The following PRDM10 variants were observed in gnomAD, a reference collection of about 807,000 sequenced individuals.
The protein encoded by PRDM10 is PR domain zinc finger protein 10.
Under a neutral mutation model 133.1 loss-of-function variants are expected in PRDM10, and 65 were observed. The observed-to-expected ratio is 0.49, with a 90% confidence interval of 0.40 to 0.60. PRDM10 has a LOEUF of 0.60. Ranked by LOEUF, PRDM10 falls within the 20% of genes least tolerant of loss-of-function variation. The pLI is 0.00. For missense variants in PRDM10, 1,137 were observed against 1,507.1 expected (o/e 0.75, Z 4.07); for synonymous variants, 582 against 580.4 (o/e 1.00, Z -0.04).
At chr11:129,970,930 A>T (rs942108737) in intron 1 of PRDM10, among the ~76,000 whole-genome samples, 5 of 152,112 alleles carry the variant, frequency 3.3e-5, no homozygotes, top group African/African-American at 1.2e-4. Flanking sequence ...TTCACTTGTC[A>T]CATCCTAAAG....
chr11:129,906,436 G>A (rs1266128973), intron 19 of PRDM10, among the ~76,000 whole-genome samples: 1 of 152,160 alleles, frequency 6.6e-6, no homozygotes. Context: ...CCTGCAATCG[G>A]CTGAAACACA....
At chr11:129,967,844 G>A (rs1200347303) in intron 1 of PRDM10, among the ~76,000 whole-genome samples, 5 of 152,116 alleles carry the variant, frequency 3.3e-5, no homozygotes, top group Admixed American at 3.3e-4. Flanking sequence ...GTATCCCAGT[G>A]TGCCAGCCTC....
At position 129,947,391 on chromosome 11, in the gene PRDM10, C is replaced by T; in HGVS notation, c.295-21G>A. 6.2e-7 allele frequency: 1 copy of T among 1,613,812 alleles called. No homozygotes were observed. ...GAGGCCTGGGCAAAAGTTGAAGGCA[C>T]AGAGTAAGCAGACATGGACACCTGC... On this transcript the variant is annotated intron_variant, in intron 4 of 20. Coordinates refer to ENST00000360871, the MANE Select transcript of PRDM10 (RefSeq NM_199437.2). This position sits in a 1 kb window ranked among gnomAD's most constrained non-coding sequence, Gnocchi z 4.6.
chr11:129,965,585 CT>C (rs1029957468), intron 1 of PRDM10, among the ~76,000 whole-genome samples: 53 of 152,258 alleles, frequency 3.5e-4, no homozygotes, highest in African/African-American at 9.1e-4. Context: ...CCTTTTCCCC[CT>C]GTCCCAAAAG....
Position 129,910,507 on chromosome 11 carries a change from C to A in PRDM10, c.3132G>T (p.Leu1044=). Residue 1044 remains leucine (L), a synonymous_variant, in exon 19 of 21, where the codon CTG becomes CTT. Transcript: ENST00000360871. Reference sequence around the variant, plus strand: ...CACGGAAGGAATTCCAAGCACTGGGCAGGTACGTGTGCTGCACAGAGGAAT... The same window carrying A: ...CACGGAAGGAATTCCAAGCACTGGGAAGGTACGTGTGCTGCACAGAGGAAT... ...QQNSSVQHTY[L]PSAWNSFRGY... 1.2e-6 allele frequency: 2 copies of A among 1,614,134 alleles called. No homozygotes were observed. The highest frequency in any genetic ancestry group is 1.7e-6 in the Non-Finnish European group (2 of 1,180,028).
intron 15 of PRDM10, 139 bp downstream of exon 15, chr11:129,916,988 C>T (rs1328293334): frequency 1.8e-6 from 1 of 556,092 alleles, no homozygotes; most frequent in African/African-American, 2.0e-5. Flanking sequence ...CCTTTCTTGT[C>T]TGAATGGAGA....
chr11:129,930,412 A>G (rs1205126854), intron 11 of PRDM10, among the ~76,000 whole-genome samples: 1 of 152,234 alleles, frequency 6.6e-6, no homozygotes, highest in Non-Finnish European at 1.5e-5. Flanking sequence ...CTGAACTGCA[A>G]GTCAGGAAAG....
At chr11:129,914,281 G>A (rs1403518757) in intron 17 of PRDM10, among the ~76,000 whole-genome samples, 1 of 152,230 alleles carries the variant, frequency 6.6e-6, no homozygotes, top group African/African-American at 2.4e-5. Context: ...GGGATTACAG[G>A]CATGAGCCAC....
At chr11:129,913,034 C>T (rs1176363376) in intron 17 of PRDM10, among the ~76,000 whole-genome samples, 4 of 146,374 alleles carry the variant, frequency 2.7e-5, no homozygotes, top group South Asian at 2.2e-4. Flanking sequence ...GACTCTAGCC[C>T]GGGCAACAGA....
rs144526807 is a variant in PRDM10 at position 129,994,857 on chromosome 11, G to A, written c.-119+7865C>T. The stretch of plus-strand genomic sequence containing the variant: ...TTTAGTAGAGACAGGGCTTCACCGC[G>A]TTAGCCAGGATTGTCTTGATCTCCT... On this transcript the variant is annotated intron_variant, in intron 1 of 20. Transcript: ENST00000360871. 5.1e-3 allele frequency among the ~76,000 whole-genome samples: 771 copies of A among 152,074 alleles called. 3 individuals are homozygous for A. The highest frequency in any genetic ancestry group is 8.0e-3 in the Non-Finnish European group (545 of 68,006).
At position 129,976,064 on chromosome 11, in the gene PRDM10, T is replaced by G. The variant is rs187821469; in HGVS notation, c.-118-14982A>C. ...GAAGCAGAGCAACTAGAGGGTGACATGGAAGGTCCTGTCCAGTTCACCAAT... is the reference window on the plus strand; with the variant it reads ...GAAGCAGAGCAACTAGAGGGTGACAGGGAAGGTCCTGTCCAGTTCACCAAT... On this transcript the variant is annotated intron_variant, in intron 1 of 20. Coordinates refer to ENST00000360871, the MANE Select transcript of PRDM10 (RefSeq NM_199437.2). Among the ~76,000 whole-genome samples, 12 of 152,242 alleles carry G rather than the reference T, an allele frequency of 7.9e-5. No individual in the cohort carries two copies. The East Asian group carries it at 2.3e-3, about 29-fold the overall frequency.
At position 129,904,020 on chromosome 11, in the gene PRDM10, C is replaced by T. The variant is rs1007504816; in HGVS notation, c.3268-1504G>A. On this transcript the variant is annotated intron_variant, in intron 20 of 20. Transcript: ENST00000360871. The stretch of plus-strand genomic sequence containing the variant: ...GGAACAAAAAATGTCCTGATCATGC[C>T]AATATGATTATCTCATTTTACATTC... Among the ~76,000 whole-genome samples the T allele has an allele frequency of 2.0e-5, 3 of 152,112 alleles. No individual in the cohort carries two copies. The East Asian group carries it at 5.8e-4, about 29-fold the overall frequency.
At position 129,905,682 on chromosome 11, in the gene PRDM10, C is replaced by T. The variant is rs764299165; in HGVS notation, c.3223G>A (p.Val1075Met). 4.2e-5 allele frequency: 68 copies of T among 1,614,058 alleles called. No individual in the cohort carries two copies. The highest frequency in any genetic ancestry group is 6.7e-5 in the East Asian group (3 of 44,900). The change falls in exon 20 of 21, where the codon GTG (valine) becomes ATG (methionine). Residue 1075 changes from valine (V) to methionine (M), a missense_variant. Physicochemically the swap from Val to Met is conservative, Grantham distance 21. This residue lies in a region of PRDM10 where 243 missense variants were observed against 259.2 expected (regional missense o/e 0.94). Transcript: ENST00000360871. Reference protein sequence around the residue: ...PGQFVITDSGVATPVTTGQVK... With the variant: ...PGQFVITDSGMATPVTTGQVK... ...TGGCCAGTAGTAACTGGAGTTGCCA[C>T]ACCACTGTCTGTAATCACAAACTGA...
At chr11:129,921,871 C>A (rs1235875455) in intron 13 of PRDM10, among the ~76,000 whole-genome samples, 1 of 152,222 alleles carries the variant, frequency 6.6e-6, no homozygotes, top group Admixed American at 6.5e-5. Context: ...GCCAGCCCTG[C>A]TGGCCAGCTC....
intron 1 of PRDM10, among the ~76,000 whole-genome samples, chr11:129,983,862 G>A (rs536527083): frequency 3.3e-5 from 5 of 152,216 alleles, no homozygotes; most frequent in South Asian, 2.1e-4. Flanking sequence ...TCCGAAGTCC[G>A]CCATTATGTT....
intron 11 of PRDM10, among the ~76,000 whole-genome samples, chr11:129,926,770 T>C (rs375822091): frequency 1.1e-3 from 171 of 152,364 alleles, no homozygotes; most frequent in African/African-American, 3.5e-3. Context: ...TATTCTCCTT[T>C]GTATCCAGAT....
intron 11 of PRDM10, chr11:129,929,316 T>C: frequency 8.0e-7 from 1 of 1,249,622 alleles, no homozygotes; most frequent in Non-Finnish European, 1.1e-6. Flanking sequence ...AAACTGTGGT[T>C]TCCACCAGGA....
intron 1 of PRDM10, among the ~76,000 whole-genome samples, chr11:129,967,623 C>A (rs142463230): frequency 2.3e-4 from 35 of 152,148 alleles, no homozygotes; most frequent in Non-Finnish European, 4.3e-4. Flanking sequence ...ATGGCAAGCA[C>A]TGGGGAGAAA....
At chr11:129,958,771 C>T (rs539093724) in intron 2 of PRDM10, among the ~76,000 whole-genome samples, 24 of 152,304 alleles carry the variant, frequency 1.6e-4, no homozygotes, top group Admixed American at 1.2e-3. Context: ...TCTTCCTTGC[C>T]GGGTAGGTGA....
Sources: allele counts gnomAD v4.1 joint callset (sites outside exome capture counted in the v4.1 genomes callset), GRCh38; gene constraint gnomAD v4.1.1; regional missense constraint gnomAD v4.1.1; non-coding constraint Gnocchi (gnomAD v3.1); transcripts MANE v1.5; gene names NCBI Gene and HGNC (gene_info 2026-07-23, HGNC 2026-07-21).